The following MACROD2 variants were observed in gnomAD, a reference collection of about 807,000 sequenced individuals.
The protein encoded by MACROD2 is ADP-ribose glycohydrolase MACROD2.
In MACROD2, 36 loss-of-function variants were observed where a neutral mutation model predicts 70.4. That is an observed-to-expected ratio of 0.51 (90% CI 0.39 to 0.68). The LOEUF (loss-of-function observed/expected upper bound fraction) is 0.68, where lower values mean the gene tolerates loss of function less well. Among genes scored for constraint, MACROD2 ranks in the 30% least tolerant of loss-of-function variants. MACROD2 has a pLI of 0.00. For missense variants in MACROD2, 496 were observed against 538.4 expected (o/e 0.92, Z 0.78); for synonymous variants, 172 against 178.8 (o/e 0.96, Z 0.30).
chr20:15,358,292 A>G (rs967984068), intron 6 of MACROD2, among the ~76,000 whole-genome samples: 5 of 152,322 alleles, frequency 3.3e-5, no homozygotes, highest in East Asian at 1.9e-4. Flanking sequence ...TAAAAGATGT[A>G]AGTACAAAGT....
At chr20:14,838,064 G>C (rs971517676) in intron 5 of MACROD2, among the ~76,000 whole-genome samples, 3 of 151,950 alleles carry the variant, frequency 2.0e-5, no homozygotes, top group African/African-American at 7.3e-5. Flanking sequence ...AAAACAAGGA[G>C]AATTGTTCAA....
At chr20:14,310,785 CT>C (rs1416188995) in intron 3 of MACROD2, among the ~76,000 whole-genome samples, 2 of 151,856 alleles carry the variant, frequency 1.3e-5, no homozygotes, top group African/African-American at 4.8e-5. Context: ...GATCCTGATC[CT>C]TTTTAGGCCT....
chr20:14,480,389 G>T (rs1053014612), intron 3 of MACROD2, among the ~76,000 whole-genome samples: 1 of 152,116 alleles, frequency 6.6e-6, no homozygotes, highest in Non-Finnish European at 1.5e-5. Flanking sequence ...TCTTTTGGTA[G>T]ACACCACATC....
intron 5 of MACROD2, among the ~76,000 whole-genome samples, chr20:15,072,889 G>A (rs533941019): frequency 6.6e-6 from 1 of 152,238 alleles, no homozygotes; most frequent in African/African-American, 2.4e-5. Context: ...TTGGAAGATG[G>A]GGCCTAATAA....
intron 5 of MACROD2, among the ~76,000 whole-genome samples, chr20:15,116,297 A>G (rs2075991312): frequency 6.6e-6 from 1 of 152,096 alleles, no homozygotes; most frequent in African/African-American, 2.4e-5. Flanking sequence ...AGCCTACTCA[A>G]CATGAAGACC....
intron 7 of MACROD2, among the ~76,000 whole-genome samples, chr20:15,435,205 A>G (rs1047954761): frequency 6.6e-5 from 10 of 152,166 alleles, no homozygotes; most frequent in Admixed American, 4.6e-4. Context: ...TTAAAAAGGC[A>G]TTTTACTTAA....
rs114239868 is a variant in MACROD2 at position 15,699,143 on chromosome 20, C to T, written c.646-163602C>T. On this transcript the variant is annotated intron_variant, in intron 8 of 17. Coordinates refer to ENST00000684519, the MANE Select transcript of MACROD2 (RefSeq NM_001351661.2). The stretch of plus-strand genomic sequence containing the variant: ...TGAACTAGTGTGATTTACTGGGGGG[C>T]GTTGAAGAGCCTTGTTTTGTCATAT... Among the ~76,000 whole-genome samples, 1,175 of 152,164 alleles carry T rather than the reference C, an allele frequency of 7.7e-3. 10 individuals carry two copies. The highest frequency in any genetic ancestry group is 0.027 in the African/African-American group (1,117 of 41,516).
At chr20:15,879,634 T>C (rs2064725098) in intron 9 of MACROD2, among the ~76,000 whole-genome samples, 1 of 152,136 alleles carries the variant, frequency 6.6e-6, no homozygotes, top group Admixed American at 6.5e-5. Flanking sequence ...CACTCTACAA[T>C]TTTTCAAAAA....
intron 8 of MACROD2, among the ~76,000 whole-genome samples, chr20:15,665,399 A>G (rs2049883335): frequency 6.6e-6 from 1 of 152,266 alleles, no homozygotes; most frequent in South Asian, 2.1e-4. Context: ...GATATAACTC[A>G]CCCCTTACAT....
intron 10 of MACROD2, among the ~76,000 whole-genome samples, chr20:15,903,502 T>A (rs1345807346): frequency 1.3e-5 from 2 of 151,754 alleles, no homozygotes; most frequent in African/African-American, 2.4e-5. Context: ...CGCACTAGAG[T>A]GTGCATGAGA....
chr20:14,663,462 T>A (rs1020080421), intron 4 of MACROD2, among the ~76,000 whole-genome samples: 2 of 151,458 alleles, frequency 1.3e-5, no homozygotes, highest in Non-Finnish European at 2.9e-5. Context: ...AACCTGCACA[T>A]GTACCCCTGA....
At chr20:14,345,228 A>G (rs878889503) in intron 3 of MACROD2, among the ~76,000 whole-genome samples, 2 of 152,180 alleles carry the variant, frequency 1.3e-5, no homozygotes, top group Admixed American at 6.5e-5. Flanking sequence ...CCTATATTTT[A>G]TATATGAATT....
At chr20:14,334,001 A>G (rs147468843) in intron 3 of MACROD2, among the ~76,000 whole-genome samples, 151 of 152,334 alleles carry the variant, frequency 9.9e-4, no homozygotes, top group Non-Finnish European at 1.8e-3. Flanking sequence ...AGTGAGAGCA[A>G]TTTCTCCCTC....
chr20:14,726,841 C>A (rs942614324), intron 5 of MACROD2, among the ~76,000 whole-genome samples: 1 of 152,070 alleles, frequency 6.6e-6, no homozygotes, highest in African/African-American at 2.4e-5. Flanking sequence ...GTGATCTTAT[C>A]CCTGACTATA....
intron 12 of MACROD2, among the ~76,000 whole-genome samples, chr20:15,963,846 A>G: frequency 6.6e-6 from 1 of 151,882 alleles, no homozygotes; most frequent in East Asian, 1.9e-4. Flanking sequence ...TTCTTTTTTA[A>G]TTTATGAAAG....
intron 15 of MACROD2, among the ~76,000 whole-genome samples, chr20:16,004,856 G>C (rs946965700): frequency 2.0e-5 from 3 of 152,228 alleles, no homozygotes; most frequent in Non-Finnish European, 2.9e-5. Flanking sequence ...CAGCGGGGCA[G>C]TTATACTTTT....
intron 3 of MACROD2, among the ~76,000 whole-genome samples, chr20:14,369,026 T>A (rs553891307): frequency 5.3e-5 from 8 of 152,338 alleles, no homozygotes; most frequent in Non-Finnish European, 7.3e-5. Context: ...TGGATTTTTT[T>A]AAATTCTTCG....
intron 5 of MACROD2, among the ~76,000 whole-genome samples, chr20:15,130,400 G>A (rs1195693630): frequency 6.6e-6 from 1 of 151,764 alleles, no homozygotes; most frequent in Non-Finnish European, 1.5e-5. Context: ...TGTGCATCTA[G>A]TTGCTCTCTG....
intron 5 of MACROD2, chr20:15,021,700 A>G (rs1424162253): frequency 6.6e-6 from 1 of 152,096 alleles, no homozygotes; most frequent in East Asian, 1.9e-4. Flanking sequence ...GGCATTGGGC[A>G]GGGAAAGAGA....
Sources: allele counts gnomAD v4.1 joint callset (sites outside exome capture counted in the v4.1 genomes callset), GRCh38; gene constraint gnomAD v4.1.1; transcripts MANE v1.5; gene names NCBI Gene and HGNC (gene_info 2026-07-23, HGNC 2026-07-21).